The following TUT4 variants were observed in gnomAD, a reference collection of about 807,000 sequenced individuals.
The protein encoded by TUT4 is terminal uridylyl transferase 4.
TUT4 carries 36 observed loss-of-function variants against 192.2 expected under a neutral mutation model. That is an observed-to-expected ratio of 0.19 (90% CI 0.14 to 0.25). TUT4 has a LOEUF of 0.25. TUT4 is among the 10% of genes least tolerant of loss of function. TUT4 has a pLI of 1.00. For missense variants in TUT4, 1,493 were observed against 1,957.2 expected, an observed-to-expected ratio of 0.76 and a Z score of 4.47; for synonymous variants, 618 against 666.0, an observed-to-expected ratio of 0.93 and a Z score of 1.11.
chr1:52,453,974 T>C (rs1033767324), intron 20 of TUT4, among the ~76,000 whole-genome samples: 3 of 152,140 alleles, frequency 2.0e-5, no homozygotes, highest in Non-Finnish European at 2.9e-5. Context: ...TACAATACCA[T>C]TTACATCAGC....
intron 24 of TUT4, among the ~76,000 whole-genome samples, chr1:52,443,761 T>A (rs1656467695): frequency 6.6e-6 from 1 of 151,218 alleles, no homozygotes; most frequent in Admixed American, 6.6e-5. Context: ...AGACCCTGTA[T>A]CAAAAAAACA....
At chr1:52,471,688 C>T (rs1261133917) in intron 14 of TUT4, among the ~76,000 whole-genome samples, 4 of 152,160 alleles carry the variant, frequency 2.6e-5, no homozygotes, top group African/African-American at 4.8e-5. Context: ...TTAAAAGCCA[C>T]ATAGGCTAGA....
At chr1:52,522,787 G>A (rs1218534138) in intron 2 of TUT4, among the ~76,000 whole-genome samples, 1 of 151,860 alleles carries the variant, frequency 6.6e-6, no homozygotes, top group Admixed American at 6.6e-5. Context: ...TTAGCTGGGC[G>A]TGGTGGCAGG....
chr1:52,543,352 T>C (rs1687218703), intron 1 of TUT4, among the ~76,000 whole-genome samples: 1 of 151,736 alleles, frequency 6.6e-6, no homozygotes, highest in Non-Finnish European at 1.5e-5. Context: ...TCAAAAAGAA[T>C]AAAGTACTAA....
intron 16 of TUT4, chr1:52,463,829 C>T: frequency 1.5e-6 from 2 of 1,295,684 alleles, no homozygotes; most frequent in South Asian, 2.5e-5. Context: ...GCTGAAATTG[C>T]ACTTGGGGAA....
intron 1 of TUT4, among the ~76,000 whole-genome samples, chr1:52,534,275 G>A (rs773578552): frequency 3.3e-5 from 5 of 152,164 alleles, no homozygotes; most frequent in Non-Finnish European, 7.3e-5. Flanking sequence ...GGCTAAGTCT[G>A]CCTAATTCTG....
intron 16 of TUT4, chr1:52,463,612 C>G: frequency 7.7e-7 from 1 of 1,296,046 alleles, no homozygotes; most frequent in South Asian, 1.3e-5. Flanking sequence ...AACAGTCCCG[C>G]ATTTTGAAAC....
chr1:52,423,838 T>C lies in TUT4; in HGVS notation c.*97A>G. The C allele has an allele frequency of 6.4e-7, 1 of 1,558,610 alleles. No individual in the cohort carries two copies. The highest frequency in any genetic ancestry group is 1.9e-5 in the Admixed American group (1 of 51,468). ...TTCCATTAAATGTCACTTTTTCTGC[T>C]GAATGTAACTGACATTGAGGTACGG... On this transcript the variant is annotated 3_prime_UTR_variant, in exon 30 of 30. Coordinates refer to ENST00000257177, the MANE Select transcript of TUT4 (RefSeq NM_001009881.3).
chr1:52,456,666 AG>A, intron 20 of TUT4, among the ~76,000 whole-genome samples: 1 of 152,054 alleles, frequency 6.6e-6, no homozygotes, highest in East Asian at 1.9e-4. Context: ...AACAGCACAA[AG>A]ATTAGTGGTT....
At chr1:52,454,277 G>A (rs1321006930) in intron 20 of TUT4, among the ~76,000 whole-genome samples, 6 of 152,134 alleles carry the variant, frequency 3.9e-5, no homozygotes. Flanking sequence ...ACACAATATT[G>A]AAGGAGAAGA....
intron 13 of TUT4, among the ~76,000 whole-genome samples, chr1:52,472,496 T>C (rs1360438064): frequency 1.3e-5 from 2 of 151,720 alleles, no homozygotes. Flanking sequence ...CTCCAAACAT[T>C]TTCTATTTTC....
Position 52,423,554 on chromosome 1 carries a change from T to C in TUT4, c.*381A>G. ...AAGTCTGAAGCAACCAAAGTATGAA[T>C]ACAGCTAATAGAAAATAAAGAATGT... On this transcript the variant is annotated 3_prime_UTR_variant, in exon 30 of 30. Coordinates refer to ENST00000257177, the MANE Select transcript of TUT4 (RefSeq NM_001009881.3). The C allele has an allele frequency of 3.6e-6, 1 of 276,774 alleles. No homozygotes were observed. Among genetic ancestry groups the C allele is most frequent in the South Asian group, 3.5e-5 (1 of 28,638 alleles). The allele number at this position is 276,774 out of a possible 1,614,324, so 17.1% of individuals were successfully genotyped here.
At chr1:52,533,523 C>T (rs1684047291) in intron 1 of TUT4, among the ~76,000 whole-genome samples, 1 of 152,188 alleles carries the variant, frequency 6.6e-6, no homozygotes, top group Admixed American at 6.5e-5. Flanking sequence ...CGTTACTATA[C>T]TTTCACTACA....
intron 28 of TUT4, 63 bp downstream of exon 28, chr1:52,430,950 T>A (rs1227201111): frequency 3.4e-6 from 5 of 1,486,804 alleles, no homozygotes; most frequent in Non-Finnish European, 3.6e-6. Flanking sequence ...TCACATTGTT[T>A]CTACAGACAG....
Position 52,497,145 on chromosome 1 carries a change from A to T in TUT4, c.1038T>A (p.Pro346=), listed in dbSNP as rs368194523. The T allele has an allele frequency of 1.2e-6, 2 of 1,611,866 alleles. No individual in the cohort carries two copies. Among genetic ancestry groups the T allele is most frequent in the Non-Finnish European group, 1.7e-6 (2 of 1,179,444 alleles). ...AAGCAGCCAAGTGGGCAGGGGAAGGAGGTGGCAGAGAACGAAGCTCACTTT... is the reference window on the plus strand; with the variant it reads ...AAGCAGCCAAGTGGGCAGGGGAAGGTGGTGGCAGAGAACGAAGCTCACTTT... ...QEESELRSLP[P]PSPAHLAALS... The change falls in exon 5 of 30, where the codon CCT becomes CCA. Residue 346 remains proline (P), a synonymous_variant. Transcript: ENST00000257177.
At chr1:52,553,171 G>A (rs1000029564), upstream of TUT4, 4 of 152,642 alleles carry the variant, frequency 2.6e-5, no homozygotes, top group Non-Finnish European at 5.8e-5. Context: ...CCCGCTGAGG[G>A]GAGGGGGCGA....
At chr1:52,533,203 T>C (rs532139794) in intron 1 of TUT4, among the ~76,000 whole-genome samples, 137 of 152,334 alleles carry the variant, frequency 9.0e-4, no homozygotes, top group Non-Finnish European at 1.8e-3. Flanking sequence ...TCATCTAGAT[T>C]TCCTGACCAT....
intron 19 of TUT4, among the ~76,000 whole-genome samples, chr1:52,460,633 A>G (rs1013626262): frequency 1.3e-5 from 2 of 152,206 alleles, no homozygotes; most frequent in African/African-American, 4.8e-5. Context: ...GCTACCACAA[A>G]GCAGGCACTA....
At chr1:52,453,395 GA>G (rs1392803062) in intron 20 of TUT4, among the ~76,000 whole-genome samples, 12 of 149,974 alleles carry the variant, frequency 8.0e-5, no homozygotes, top group Admixed American at 8.0e-4. Context: ...AAAAAAAAAA[GA>G]AATAAAAAGC....
Sources: allele counts gnomAD v4.1 joint callset (sites outside exome capture counted in the v4.1 genomes callset), GRCh38; gene constraint gnomAD v4.1.1; transcripts MANE v1.5; gene names NCBI Gene and HGNC (gene_info 2026-07-23, HGNC 2026-07-21).